Variants in MYLK observed in about 807,000 individuals in gnomAD.
MYLK encodes the protein myosin light chain kinase.
In MYLK, 106 loss-of-function variants were observed where a neutral mutation model predicts 203.4. That is an observed-to-expected ratio of 0.52 (90% confidence interval 0.45 to 0.61). The LOEUF (loss-of-function observed/expected upper bound fraction) is 0.61. Ranked by LOEUF, MYLK falls within the 20% of genes least tolerant of loss-of-function variation. MYLK has a pLI of 0.00. For missense variants in MYLK, 2,072 were observed against 2,442.3 expected (o/e 0.85, Z 3.20); for synonymous variants, 867 against 959.5 (o/e 0.90, Z 1.78).
At chr3:123,624,321 T>C (rs2058029668) in intron 31 of MYLK, 2 of 126,524 alleles carry the variant, frequency 1.6e-5, no homozygotes, top group African/African-American at 8.5e-5. Flanking sequence ...TGAGACCCTG[T>C]CTCTTTAAAA....
rs559899991 is a variant in MYLK at position 123,724,468 on chromosome 3, G to T, written c.1651+1476C>A. ...CCAGCCACAAGGAGGCTGCCTCCTTGAAGTCAATCACTGGATCCAATAGGA... is the reference window on the plus strand; with the variant it reads ...CCAGCCACAAGGAGGCTGCCTCCTTTAAGTCAATCACTGGATCCAATAGGA... On this transcript the variant is annotated intron_variant, in intron 12 of 33. Transcript: ENST00000360304. 6.2e-4 allele frequency among the ~76,000 whole-genome samples: 95 copies of T among 152,232 alleles called. No individual in the cohort carries two copies. In the South Asian group the frequency reaches 7.7e-3, roughly 12 times the overall value.
chr3:123,620,486 G>A, intron 31 of MYLK, 150 bp from the exon 32 acceptor site: 1 of 1,556,018 alleles, frequency 6.4e-7, no homozygotes, highest in Non-Finnish European at 8.7e-7. Context: ...TGCCAGAGGA[G>A]CGAACCCAAC....
chr3:123,847,023 C>T (rs889449235), intron 2 of MYLK, among the ~76,000 whole-genome samples: 2 of 152,004 alleles, frequency 1.3e-5, no homozygotes, highest in Non-Finnish European at 2.9e-5. Flanking sequence ...ATGGGTTCTG[C>T]ACCCACGGCT....
chr3:123,853,990 C>T (rs145192860), intron 2 of MYLK, among the ~76,000 whole-genome samples: 3 of 152,048 alleles, frequency 2.0e-5, no homozygotes, highest in African/African-American at 7.2e-5. Flanking sequence ...TTCTCTCTTG[C>T]TGCATTTGGA....
intron 2 of MYLK, among the ~76,000 whole-genome samples, chr3:123,857,658 GA>G (rs2031527827): frequency 8.0e-6 from 1 of 124,960 alleles, no homozygotes; most frequent in Non-Finnish European, 1.6e-5. Context: ...GGGGTCGGGG[GA>G]GGGGGGAGGG....
At chr3:123,796,658 ACT>A (rs112297468) in intron 3 of MYLK, among the ~76,000 whole-genome samples, 54 of 152,298 alleles carry the variant, frequency 3.5e-4, no homozygotes, top group African/African-American at 1.3e-3. Context: ...ACCACTGAAC[ACT>A]CTTGGCTCCG....
intron 4 of MYLK, among the ~76,000 whole-genome samples, chr3:123,765,875 T>C (rs894766114): frequency 2.0e-5 from 3 of 152,122 alleles, no homozygotes; most frequent in Non-Finnish European, 4.4e-5. Flanking sequence ...GTAAAATTCA[T>C]AGAGACAGAA....
chr3:123,876,862 G>A (rs921041742), intron 1 of MYLK, among the ~76,000 whole-genome samples: 23 of 152,144 alleles, frequency 1.5e-4, no homozygotes, highest in African/African-American at 5.1e-4. Flanking sequence ...TCCTTCCCTT[G>A]ATGTTTTTTC....
intron 3 of MYLK, among the ~76,000 whole-genome samples, chr3:123,796,786 T>C (rs111374579): frequency 6.6e-6 from 1 of 152,210 alleles, no homozygotes; most frequent in African/African-American, 2.4e-5. Context: ...GGTGAGACCA[T>C]GATGAGATGG....
intron 20 of MYLK, among the ~76,000 whole-genome samples, chr3:123,677,884 A>AATATAT (rs3085284): frequency 0.18 from 9,263 of 52,606 alleles, 1,250 homozygotes; most frequent in Non-Finnish European, 0.23. Flanking sequence ...TAAATAAATG[A>AATATAT]ATATATATAT....
intron 27 of MYLK, chr3:123,646,997 C>T (rs960349217): frequency 5.1e-6 from 3 of 592,242 alleles, no homozygotes; most frequent in Admixed American, 3.0e-5. Context: ...GAAATAAGCA[C>T]AAGGCTGCAG....
At chr3:123,699,729 G>A (rs1338971701) in intron 18 of MYLK, among the ~76,000 whole-genome samples, 1 of 152,234 alleles carries the variant, frequency 6.6e-6, no homozygotes, top group East Asian at 1.9e-4. Flanking sequence ...TGCCATGAGA[G>A]GGCTCTGCCA....
At chr3:123,806,117 C>T (rs2065358011) in intron 3 of MYLK, among the ~76,000 whole-genome samples, 3 of 152,010 alleles carry the variant, frequency 2.0e-5, no homozygotes. Context: ...TTTTAAAGTG[C>T]TTTTTTAAAT....
At position 123,692,755 on chromosome 3, in the gene MYLK, G is replaced by C. The variant is rs372251565; in HGVS notation, c.3545C>G (p.Ser1182Cys). Residue 1182 changes from serine (S) to cysteine (C), a missense_variant, in exon 19 of 34, where the codon TCC becomes TGC. By Grantham distance (112) the Ser-to-Cys change is moderately radical. This residue lies in a region of MYLK where 865 missense variants were observed against 1,016.0 expected (regional missense o/e 0.85). Coordinates refer to ENST00000360304, the MANE Select transcript of MYLK (RefSeq NM_053025.4). ...CCTACCATCCACGGTGACTTGGCAG[G>C]AGCACTCCGCCTGGCCAGCGTCATT... ...AKNDAGQAECSCQVTVDDAPA... is the reference protein window; with the variant it reads ...AKNDAGQAECCCQVTVDDAPA... The C allele has an allele frequency of 6.2e-7, 1 of 1,613,798 alleles. No homozygotes were observed. The highest frequency in any genetic ancestry group is 1.3e-5 in the African/African-American group (1 of 74,920).
chr3:123,706,021 T>A (rs1382100948), intron 16 of MYLK, among the ~76,000 whole-genome samples: 1 of 152,134 alleles, frequency 6.6e-6, no homozygotes, highest in Non-Finnish European at 1.5e-5. Context: ...AATAACTAGT[T>A]CAAGCATAAT....
In MYLK at chr3:123,743,587, G is replaced by A. The variant is rs191233291; in HGVS notation, c.374-3586C>T. Among the ~76,000 whole-genome samples, 30 of 152,284 alleles carry A rather than the reference G, an allele frequency of 2.0e-4. No individual in the cohort carries two copies. The South Asian group carries it at 4.6e-3, about 23-fold the overall frequency. On this transcript the variant is annotated intron_variant, in intron 5 of 33. Coordinates refer to ENST00000360304, the MANE Select transcript of MYLK (RefSeq NM_053025.4). Reference sequence around the variant, plus strand: ...GATTAAAGTAGAAATGCAAAAAATAGAAGAATGAGTTAAGAGAACTGGTGA... The same window carrying A: ...GATTAAAGTAGAAATGCAAAAAATAAAAGAATGAGTTAAGAGAACTGGTGA...
chr3:123,627,058 T>C (rs2058182401), intron 30 of MYLK, 117 bp from the exon 31 acceptor site: 1 of 1,174,860 alleles, frequency 8.5e-7, no homozygotes, highest in Non-Finnish European at 1.2e-6. Flanking sequence ...CCAGGGCCCC[T>C]GCTCCCGGAC....
At chr3:123,634,544 C>T (rs113085078) in intron 29 of MYLK, among the ~76,000 whole-genome samples, 4 of 152,202 alleles carry the variant, frequency 2.6e-5, no homozygotes, top group Non-Finnish European at 5.9e-5. Context: ...TGACAGCTGT[C>T]TGCACCACGG....
chr3:123,843,056 A>C (rs1012768735), intron 2 of MYLK, among the ~76,000 whole-genome samples: 2 of 152,198 alleles, frequency 1.3e-5, no homozygotes, highest in Non-Finnish European at 2.9e-5. Context: ...TGTGGAATAC[A>C]GCTTATCAGG....
Sources: gnomAD v4.1 joint callset for allele counts (sites outside exome capture counted in the v4.1 genomes callset) on GRCh38, gnomAD v4.1.1 for gene constraint, gnomAD v4.1.1 regional missense constraint, MANE v1.5 for transcripts, NCBI Gene and HGNC (gene_info 2026-07-23, HGNC 2026-07-21) for gene names.